The following ACYP2 variants were observed in gnomAD, a reference collection of about 807,000 sequenced individuals.
ACYP2 encodes acylphosphatase-2.
A neutral mutation model predicts 11.2 loss-of-function variants in ACYP2; 12 were observed. The observed-to-expected ratio is 1.08, with a 90% CI of 0.69 to 1.74. The LOEUF (loss-of-function observed/expected upper bound fraction) is 1.74. Ranked by LOEUF, ACYP2 falls within the 40% of genes most tolerant of loss-of-function variation. The pLI is 0.00. For synonymous variants in ACYP2, 43 were observed against 32.2 expected (o/e 1.33, Z -1.13); for missense variants, 134 against 101.9 (o/e 1.31, Z -1.35).
At chr2:54,304,086 C>A (rs1240162166) in intron 6 of ACYP2, among the ~76,000 whole-genome samples, 1 of 152,034 alleles carries the variant, frequency 6.6e-6, no homozygotes, top group East Asian at 1.9e-4. Flanking sequence ...AATGCAATCA[C>A]TTTGTTAATA....
At chr2:54,037,224 G>A (rs913655336) in intron 2 of ACYP2, among the ~76,000 whole-genome samples, 8 of 151,330 alleles carry the variant, frequency 5.3e-5, no homozygotes, top group African/African-American at 1.9e-4. Context: ...GTGATCCTCT[G>A]GCCTCGGCCT....
chr2:54,294,872 C>T (rs1173102918), intron 6 of ACYP2, among the ~76,000 whole-genome samples: 1 of 151,520 alleles, frequency 6.6e-6, no homozygotes, highest in Non-Finnish European at 1.5e-5. Flanking sequence ...GTCATGATCA[C>T]ACCACTGCAT....
chr2:54,080,334 A>C (rs1330961517), intron 4 of ACYP2: 2 of 152,172 alleles, frequency 1.3e-5, no homozygotes, highest in Non-Finnish European at 2.9e-5. Flanking sequence ...TCTGCCTGAC[A>C]CATCTCTATG....
intron 6 of ACYP2, among the ~76,000 whole-genome samples, chr2:54,153,095 T>G (rs1050065328): frequency 6.6e-6 from 1 of 152,202 alleles, no homozygotes; most frequent in African/African-American, 2.4e-5. Flanking sequence ...GTTTTTAAAA[T>G]CAGTTTCAGG....
chr2:54,096,116 C>T (rs1392504620), intron 4 of ACYP2, among the ~76,000 whole-genome samples: 2 of 140,994 alleles, frequency 1.4e-5, no homozygotes, highest in Non-Finnish European at 3.1e-5. Flanking sequence ...ACTTCCCAGA[C>T]GGGGTGGCTG....
chr2:54,113,693 G>A (rs111390060), intron 4 of ACYP2, among the ~76,000 whole-genome samples: 444 of 152,234 alleles, frequency 2.9e-3, no homozygotes, highest in African/African-American at 9.9e-3. Flanking sequence ...ATGACTGAGC[G>A]GGATAGAGGA....
chr2:54,004,894 C>CAA (rs754230632), intron 2 of ACYP2, among the ~76,000 whole-genome samples: 108 of 31,442 alleles, frequency 3.4e-3, no homozygotes, highest in East Asian at 3.8e-3. Flanking sequence ...GACTCTGTCT[C>CAA]AAAAAAAAAA....
chr2:54,215,933 A>G (rs1194458382), intron 6 of ACYP2, among the ~76,000 whole-genome samples: 1 of 152,210 alleles, frequency 6.6e-6, no homozygotes, highest in Non-Finnish European at 1.5e-5. Context: ...CTGTGAGTCC[A>G]ATCTGTCAGT....
At chr2:54,033,053 T>G (rs1283489290) in intron 2 of ACYP2, among the ~76,000 whole-genome samples, 3 of 152,158 alleles carry the variant, frequency 2.0e-5, no homozygotes, top group Admixed American at 2.0e-4. Context: ...TTTATGAGGA[T>G]TAAAGCCCAA....
chr2:54,100,393 C>T (rs1453830637), intron 4 of ACYP2, among the ~76,000 whole-genome samples: 2 of 150,542 alleles, frequency 1.3e-5, no homozygotes, highest in African/African-American at 4.9e-5. Context: ...GCCTCAACCT[C>T]TGCGGCCCAA....
chr2:53,999,209 G>A (rs1357920864), intron 2 of ACYP2, among the ~76,000 whole-genome samples: 1 of 152,176 alleles, frequency 6.6e-6, no homozygotes, highest in Non-Finnish European at 1.5e-5. Context: ...CACAGATACA[G>A]TAACTTGGAT....
At chr2:54,097,789 A>G (rs541852594) in intron 4 of ACYP2, among the ~76,000 whole-genome samples, 15 of 152,032 alleles carry the variant, frequency 9.9e-5, no homozygotes, top group Non-Finnish European at 4.4e-5. Flanking sequence ...TGCAAAAGAT[A>G]TTTTTAACTC....
intron 6 of ACYP2, among the ~76,000 whole-genome samples, chr2:54,196,689 C>T (rs1684495075): frequency 6.6e-6 from 1 of 152,204 alleles, no homozygotes; most frequent in Non-Finnish European, 1.5e-5. Flanking sequence ...CTTCTCTGGC[C>T]TTCACCCTCT....
intron 6 of ACYP2, among the ~76,000 whole-genome samples, chr2:54,299,023 G>GT (rs1573072855): frequency 6.6e-6 from 1 of 152,234 alleles, no homozygotes; most frequent in East Asian, 1.9e-4. Context: ...AAAGTGCTGG[G>GT]ATTACAGGTG....
chr2:54,268,485 A>G (rs1473684990), intron 6 of ACYP2, among the ~76,000 whole-genome samples: 2 of 152,042 alleles, frequency 1.3e-5, no homozygotes, highest in African/African-American at 4.8e-5. Context: ...ACTTTCTTAT[A>G]GTGATCTACC....
intron 2 of ACYP2, among the ~76,000 whole-genome samples, chr2:53,978,371 C>T (rs1037787986): frequency 6.6e-6 from 1 of 151,902 alleles, no homozygotes; most frequent in Non-Finnish European, 1.5e-5. Flanking sequence ...CTCATCAAAT[C>T]ATGCAGGTGA....
rs566476659 is a variant in ACYP2 at position 54,080,768 on chromosome 2, A to G, written c.277+23408A>G. On this transcript the variant is annotated intron_variant, in intron 4 of 6. Transcript: ENST00000607452. ...CTCCCAAATTGCTGGGATTACAGGCATGAGCCACCGTGCCCTGCCTCTTTT... is the reference window on the plus strand; with the variant it reads ...CTCCCAAATTGCTGGGATTACAGGCGTGAGCCACCGTGCCCTGCCTCTTTT... 9.9e-5 allele frequency among the ~76,000 whole-genome samples: 15 copies of G among 151,980 alleles called. No homozygotes were observed. The East Asian group carries it at 2.7e-3, about 27-fold the overall frequency.
intron 4 of ACYP2, among the ~76,000 whole-genome samples, chr2:54,060,028 G>A (rs1485080015): frequency 6.6e-6 from 1 of 152,116 alleles, no homozygotes; most frequent in Non-Finnish European, 1.5e-5. Context: ...CTGTGACTTG[G>A]TGTAAGTCTT....
At chr2:54,255,009 G>A (rs748191962) in intron 6 of ACYP2, 23 of 1,614,008 alleles carry the variant, frequency 1.4e-5, no homozygotes, top group Non-Finnish European at 1.9e-5. Context: ...CACCCAACAG[G>A]TAGTACTGCA....
Sources: allele counts gnomAD v4.1 joint callset (sites outside exome capture counted in the v4.1 genomes callset), GRCh38; gene constraint gnomAD v4.1.1; transcripts MANE v1.5; gene names NCBI Gene and HGNC (gene_info 2026-07-23, HGNC 2026-07-21).